Variants in KAZN observed in about 807,000 individuals in gnomAD.
KAZN encodes the protein kazrin, periplakin interacting protein, also known as kazrin.
KAZN carries 40 observed loss-of-function variants against 87.4 expected under a neutral mutation model. That is an observed-to-expected ratio of 0.46 (90% CI 0.36 to 0.60). The LOEUF (loss-of-function observed/expected upper bound fraction) is 0.60. KAZN is among the 20% of genes least tolerant of loss of function. The pLI is 0.00. For synonymous variants in KAZN, 466 were observed against 458.3 expected, an observed-to-expected ratio of 1.02 and a Z score of -0.22; for missense variants, 898 against 1,073.9, an observed-to-expected ratio of 0.84 and a Z score of 2.29.
intron 1 of KAZN, among the ~76,000 whole-genome samples, chr1:14,826,234 G>A (rs1341955086): frequency 1.3e-5 from 2 of 152,234 alleles, no homozygotes; most frequent in African/African-American, 2.4e-5. Context: ...AGGAATAAAG[G>A]GAAAGAAGGG....
intron 2 of KAZN, among the ~76,000 whole-genome samples, chr1:14,965,937 A>G (rs1188727064): frequency 6.6e-6 from 1 of 150,908 alleles, no homozygotes; most frequent in Admixed American, 6.6e-5. Flanking sequence ...TAAATGCATT[A>G]TATGTTAACA....
intron 2 of KAZN, among the ~76,000 whole-genome samples, chr1:14,547,261 C>T (rs1673214930): frequency 1.3e-5 from 2 of 152,172 alleles, no homozygotes; most frequent in South Asian, 4.1e-4. Flanking sequence ...AATACCATTT[C>T]TCCCATTTTA....
chr1:14,381,953 T>C lies in KAZN; in HGVS notation c.249+201361T>C, dbSNP rs150879379. On this transcript the variant is annotated intron_variant, in intron 2 of 16. Coordinates refer to the KAZN transcript ENST00000636203. ...ACATAAGACTCCACCAAAAAACTAT[T>C]AGAACTGATCAACATATTTAGTAAA... 6.1e-3 allele frequency among the ~76,000 whole-genome samples: 926 copies of C among 152,276 alleles called. 7 individuals carry two copies. Among genetic ancestry groups the C allele is most frequent in the Non-Finnish European group, 0.01 (706 of 68,026 alleles).
At chr1:14,338,152 GA>G (rs1230772210) in intron 2 of KAZN, among the ~76,000 whole-genome samples, 1 of 151,970 alleles carries the variant, frequency 6.6e-6, no homozygotes, top group Non-Finnish European at 1.5e-5. Flanking sequence ...ATGGTTTTAG[GA>G]ATGACATTGA....
chr1:14,402,740 A>G (rs1663519653), intron 2 of KAZN, among the ~76,000 whole-genome samples: 1 of 152,200 alleles, frequency 6.6e-6, no homozygotes, highest in Non-Finnish European at 1.5e-5. Flanking sequence ...GACTAACCCT[A>G]TTATAATGAA....
In KAZN at chr1:15,021,587, CTCCTGGCT is replaced by C. The variant is rs1200270276; in HGVS notation, c.419-13158_419-13151del. Among the ~76,000 whole-genome samples, 1 of 152,082 alleles carries C rather than the reference CTCCTGGCT, an allele frequency of 6.6e-6. No homozygotes were observed. The highest frequency in any genetic ancestry group is 2.4e-5 in the African/African-American group (1 of 41,338). On this transcript the variant is annotated intron_variant, in intron 2 of 14. Coordinates refer to ENST00000376030, the MANE Select transcript of KAZN (RefSeq NM_201628.3). This position sits in a 1 kb window ranked among gnomAD's most constrained non-coding sequence, Gnocchi z 4.2. The stretch of plus-strand genomic sequence containing the variant: ...GGCCTGCTTCCCGGGGCCCTCCGCC[CTCCTGGCT>C]TCCAGGTGACCTCTGAGCTCTTCCA...
chr1:14,069,963 G>T (rs1021393854), intron 1 of KAZN, among the ~76,000 whole-genome samples: 5 of 152,034 alleles, frequency 3.3e-5, no homozygotes, highest in Non-Finnish European at 5.9e-5. Flanking sequence ...GAGGTCAGGA[G>T]ATTGAGACCA....
intron 1 of KAZN, among the ~76,000 whole-genome samples, chr1:13,915,275 G>A (rs1487209258): frequency 2.0e-5 from 3 of 152,188 alleles, no homozygotes; most frequent in Non-Finnish European, 4.4e-5. Flanking sequence ...CACACTGCCT[G>A]GGGACCACGG....
chr1:14,004,036 G>A (rs1371209993), intron 1 of KAZN, among the ~76,000 whole-genome samples: 3 of 151,546 alleles, frequency 2.0e-5, no homozygotes, highest in South Asian at 2.1e-4. Context: ...AAGAAAGCAG[G>A]CAATTTAATA....
chr1:14,209,071 C>A (rs1646801124), intron 2 of KAZN, among the ~76,000 whole-genome samples: 1 of 152,218 alleles, frequency 6.6e-6, no homozygotes, highest in Admixed American at 6.5e-5. Flanking sequence ...CCTATGCCCC[C>A]ACCACTACCC....
At chr1:15,001,722 C>T (rs115121952) in intron 2 of KAZN, among the ~76,000 whole-genome samples, 2,998 of 152,114 alleles carry the variant, frequency 0.02, 97 homozygotes, top group African/African-American at 0.07. Flanking sequence ...CCTGTGGGGT[C>T]GACCTCACCC....
intron 1 of KAZN, among the ~76,000 whole-genome samples, chr1:13,954,026 G>GT (rs1404525995): frequency 2.0e-5 from 3 of 152,242 alleles, no homozygotes; most frequent in South Asian, 4.2e-4. Flanking sequence ...AGTAAACTTT[G>GT]TTTTTTTCCA....
chr1:13,961,237 C>T (rs1259232221), intron 1 of KAZN, among the ~76,000 whole-genome samples: 24 of 152,130 alleles, frequency 1.6e-4, no homozygotes. Flanking sequence ...TTCTACTGCA[C>T]TCAAAGAATA....
Position 15,066,086 on chromosome 1 carries a change from T to C in KAZN, c.1222+333T>C. 8.6e-7 allele frequency: 1 copy of C among 1,158,124 alleles called. No individual in the cohort carries two copies. Among genetic ancestry groups the C allele is most frequent in the Non-Finnish European group, 1.1e-6 (1 of 940,982 alleles). The allele number at this position is 1,158,124 out of a possible 1,614,324, so 71.7% of individuals were successfully genotyped here. A position where few individuals can be genotyped will look rare whatever the true frequency, so the allele number is the denominator to read the frequency against. On this transcript the variant is annotated intron_variant, in intron 8 of 14. Coordinates refer to ENST00000376030, the MANE Select transcript of KAZN (RefSeq NM_201628.3). The surrounding 1 kb of genome is among the most constrained non-coding windows in gnomAD (Gnocchi z 4.3). ...ATACAGTTGTGTTGTTAATCTGGTTTATTATTTTTCTTCAGTGTTTGGTTT... is the reference window on the plus strand; with the variant it reads ...ATACAGTTGTGTTGTTAATCTGGTTCATTATTTTTCTTCAGTGTTTGGTTT...
chr1:14,676,095 C>A (rs1640202071), intron 1 of KAZN, among the ~76,000 whole-genome samples: 1 of 152,112 alleles, frequency 6.6e-6, no homozygotes, highest in African/African-American at 2.4e-5. Context: ...AGGAAAAGAC[C>A]CAGGGATGAG....
intron 1 of KAZN, among the ~76,000 whole-genome samples, chr1:14,810,011 G>GC (rs1300983324): frequency 3.9e-5 from 6 of 152,230 alleles, no homozygotes; most frequent in Non-Finnish European, 7.4e-5. Context: ...CTTGTGCATT[G>GC]CAGGTGCATT....
intron 2 of KAZN, among the ~76,000 whole-genome samples, chr1:14,421,575 A>G (rs968620288): frequency 5.9e-5 from 9 of 152,182 alleles, no homozygotes; most frequent in African/African-American, 1.9e-4. Context: ...TGTGGGTTCA[A>G]TAAAGCATGT....
chr1:14,886,619 C>A (rs1356636461), intron 1 of KAZN, among the ~76,000 whole-genome samples: 1 of 152,078 alleles, frequency 6.6e-6, no homozygotes, highest in Non-Finnish European at 1.5e-5. Flanking sequence ...TGGAGAAACC[C>A]TGTCTCTACT....
chr1:14,636,177 A>C (rs1288043557), intron 1 of KAZN, among the ~76,000 whole-genome samples: 1 of 152,168 alleles, frequency 6.6e-6, no homozygotes, highest in African/African-American at 2.4e-5. Context: ...AATGCTTATG[A>C]GATGGGGTGA....
Sources: gnomAD v4.1 joint callset for allele counts (sites outside exome capture counted in the v4.1 genomes callset) on GRCh38, gnomAD v4.1.1 for gene constraint, Gnocchi (gnomAD v3.1) non-coding constraint, MANE v1.5 for transcripts, NCBI Gene and HGNC (gene_info 2026-07-23, HGNC 2026-07-21) for gene names.